The following NIM1K variants were observed in gnomAD, a reference collection of about 807,000 sequenced individuals.
The protein encoded by NIM1K is serine/threonine-protein kinase NIM1.
In NIM1K, 35 loss-of-function variants were observed where a neutral mutation model predicts 37.1. The ratio of observed to expected loss-of-function variants is 0.94; its 90% CI spans 0.72 to 1.25. NIM1K has a LOEUF of 1.25. Ranked by LOEUF, NIM1K falls within the 50% of genes most tolerant of loss-of-function variation. The probability of loss-of-function intolerance (pLI) is 0.00; values close to 1 mark genes in which losing one functional copy is unlikely to be tolerated. For synonymous variants in NIM1K, 234 were observed against 206.6 expected (o/e 1.13, Z -1.14); for missense variants, 564 against 548.0 (o/e 1.03, Z -0.29).
At chr5:43,236,353 G>A (rs1752621567) in intron 1 of NIM1K, among the ~76,000 whole-genome samples, 2 of 151,894 alleles carry the variant, frequency 1.3e-5, no homozygotes. Flanking sequence ...TGGGTGGATT[G>A]CACCTGTAAT....
At chr5:43,231,869 C>T (rs1752544325) in intron 1 of NIM1K, 1 of 1,194,844 alleles carries the variant, frequency 8.4e-7, no homozygotes, top group Non-Finnish European at 1.2e-6. Context: ...CACCAACCTC[C>T]TTATAATCCT....
At chr5:43,251,101 GC>G (rs1440864441) in intron 2 of NIM1K, among the ~76,000 whole-genome samples, 1 of 152,130 alleles carries the variant, frequency 6.6e-6, no homozygotes, top group African/African-American at 2.4e-5. Context: ...AGCTGCCATT[GC>G]TATAACTTTA....
intron 1 of NIM1K, among the ~76,000 whole-genome samples, chr5:43,196,942 C>CTTTTTTTT (rs774125135): frequency 1.2e-5 from 1 of 82,796 alleles, no homozygotes; most frequent in Non-Finnish European, 2.2e-5. Context: ...CCATGCCCAG[C>CTTTTTTTT]TTTTTTTTTT....
At chr5:43,207,700 C>T in intron 1 of NIM1K, 1 of 515,726 alleles carries the variant, frequency 1.9e-6, no homozygotes, top group South Asian at 1.7e-5. Flanking sequence ...CTTCATAGAA[C>T]AGTTGCTCTA....
intron 2 of NIM1K, among the ~76,000 whole-genome samples, chr5:43,254,226 G>A (rs977340398): frequency 2.0e-5 from 3 of 152,148 alleles, no homozygotes; most frequent in Admixed American, 6.5e-5. Flanking sequence ...ACGGGACATG[G>A]GAGAGGAAGA....
intron 1 of NIM1K, chr5:43,192,814 T>G (rs947249603): frequency 1.3e-5 from 2 of 152,340 alleles, no homozygotes; most frequent in Admixed American, 1.3e-4. Context: ...GGAGCGCAGC[T>G]TAGCGCCTAG....
At chr5:43,259,565 C>A (rs543575932) in intron 2 of NIM1K, among the ~76,000 whole-genome samples, 1 of 152,230 alleles carries the variant, frequency 6.6e-6, no homozygotes, top group Non-Finnish European at 1.5e-5. Flanking sequence ...TGTTTGTTGG[C>A]CATTTGTATG....
chr5:43,259,248 C>A (rs756388458), intron 2 of NIM1K, among the ~76,000 whole-genome samples: 7 of 152,118 alleles, frequency 4.6e-5, no homozygotes, highest in Non-Finnish European at 1.0e-4. Context: ...ATAAGGACTT[C>A]TTTTCCTTTG....
At chr5:43,257,445 G>T (rs1752963419) in intron 2 of NIM1K, among the ~76,000 whole-genome samples, 2 of 137,578 alleles carry the variant, frequency 1.5e-5, no homozygotes, top group African/African-American at 5.5e-5. Context: ...TCGGCTCACT[G>T]CAACCTCTGC....
At chr5:43,231,612 A>G (rs1477265559) in intron 1 of NIM1K, among the ~76,000 whole-genome samples, 8 of 152,162 alleles carry the variant, frequency 5.3e-5, no homozygotes, top group Admixed American at 1.3e-4. Context: ...AACATTTATT[A>G]TTATTATTGT....
chr5:43,192,739 TG>T (rs1225760944), intron 1 of NIM1K: 2 of 152,330 alleles, frequency 1.3e-5, no homozygotes, highest in Admixed American at 1.3e-4. Flanking sequence ...TGCGCGCGTG[TG>T]TGCACCCATG....
At chr5:43,279,812 A>C (rs1753409050) in intron 3 of NIM1K, among the ~76,000 whole-genome samples, 168 bp from the exon 4 acceptor site, 2 of 152,216 alleles carry the variant, frequency 1.3e-5, no homozygotes, top group Admixed American at 1.3e-4. Flanking sequence ...AGGTGTAGGC[A>C]TTACATTGGG....
chr5:43,277,017 C>T, intron 2 of NIM1K, 40 bp from the exon 3 acceptor site: 1 of 1,603,298 alleles, frequency 6.2e-7, no homozygotes, highest in Non-Finnish European at 8.5e-7. Context: ...AACTATGCTC[C>T]TGTGAATTCT....
At chr5:43,199,204 A>AATATATATATATATAT (rs1162677436) in intron 1 of NIM1K, among the ~76,000 whole-genome samples, 1 of 94,072 alleles carries the variant, frequency 1.1e-5, no homozygotes, top group African/African-American at 3.9e-5. Context: ...AAAAAAAAAA[A>AATATATATATATATAT]ATATATATAT....
At chr5:43,196,656 TAAAA>T (rs1194521837) in intron 1 of NIM1K, among the ~76,000 whole-genome samples, 1 of 151,558 alleles carries the variant, frequency 6.6e-6, no homozygotes, top group Non-Finnish European at 1.5e-5. Context: ...AATAAATAAA[TAAAA>T]AATAAAAGCT....
chr5:43,246,210 C>T (rs578014378), intron 2 of NIM1K, 143 bp downstream of exon 2: 41 of 610,450 alleles, frequency 6.7e-5, no homozygotes, highest in Non-Finnish European at 1.1e-4. Flanking sequence ...CAGCCGCCTT[C>T]TGTGGTCTTC....
rs2111562504 is a variant in NIM1K at position 43,274,176 on chromosome 5, G to C, written c.293-2881G>C. Reference sequence around the variant, plus strand: ...CTTTCACCCTTACAATGCCTCTCCTGCCACACTCTAGACCTGGCTCTGGGA... The same window carrying C: ...CTTTCACCCTTACAATGCCTCTCCTCCCACACTCTAGACCTGGCTCTGGGA... On this transcript the variant is annotated intron_variant, in intron 2 of 3. Transcript: ENST00000326035. Among the ~76,000 whole-genome samples the C allele has an allele frequency of 2.0e-5, 3 of 152,252 alleles. No individual in the cohort carries two copies. The Middle Eastern group carries it at 0.01, about 518-fold the overall frequency.
chr5:43,229,640 CT>C (rs34054246), intron 1 of NIM1K, among the ~76,000 whole-genome samples: 101,075 of 109,248 alleles, frequency 0.93, 46,541 homozygotes, highest in East Asian at 0.97. Flanking sequence ...AAATTTTAGC[CT>C]TTTTTTTTTT....
intron 1 of NIM1K, chr5:43,225,912 A>G (rs1359537829): frequency 6.6e-6 from 1 of 152,262 alleles, no homozygotes. Context: ...GGAGAAAACC[A>G]CAATGTTAAC....
Sources: gnomAD v4.1 joint callset for allele counts (sites outside exome capture counted in the v4.1 genomes callset) on GRCh38, gnomAD v4.1.1 for gene constraint, MANE v1.5 for transcripts, NCBI Gene and HGNC (gene_info 2026-07-23, HGNC 2026-07-21) for gene names.